Variants in JMJD1C observed in about 807,000 individuals in gnomAD.
JMJD1C encodes jumonji domain-containing protein 1C.
A neutral mutation model predicts 245.3 loss-of-function variants in JMJD1C; 31 were observed. The observed-to-expected ratio is 0.13, with a 90% CI of 0.09 to 0.17. The LOEUF (loss-of-function observed/expected upper bound fraction) is 0.17, where lower values mean the gene tolerates loss of function less well. JMJD1C is among the 10% of genes least tolerant of loss of function. The pLI is 1.00. For synonymous variants in JMJD1C, 1,057 were observed against 1,017.4 expected (o/e 1.04, Z -0.74); for missense variants, 2,691 against 3,000.2 (o/e 0.90, Z 2.41).
chr10:63,343,053 A>C (rs1943510671), intron 2 of JMJD1C, among the ~76,000 whole-genome samples: 1 of 152,058 alleles, frequency 6.6e-6, no homozygotes, highest in Non-Finnish European at 1.5e-5. Context: ...AGGATACTCA[A>C]CCTGCATTAA....
intron 1 of JMJD1C, among the ~76,000 whole-genome samples, chr10:63,407,396 G>C (rs1949232212): frequency 6.6e-6 from 1 of 152,034 alleles, no homozygotes; most frequent in Non-Finnish European, 1.5e-5. Context: ...TTTCCTCATA[G>C]GGCATAACTC....
chr10:63,406,939 A>T (rs547252122), intron 1 of JMJD1C, among the ~76,000 whole-genome samples: 1 of 152,360 alleles, frequency 6.6e-6, no homozygotes, highest in East Asian at 1.9e-4. Context: ...ACAGATTGAA[A>T]AGATGGGTAA....
chr10:63,419,688 A>G (rs1354630310), intron 1 of JMJD1C, among the ~76,000 whole-genome samples: 1 of 152,098 alleles, frequency 6.6e-6, no homozygotes, highest in Non-Finnish European at 1.5e-5. Context: ...ACCCAGAATT[A>G]AGTCAGTTCC....
intron 2 of JMJD1C, among the ~76,000 whole-genome samples, chr10:63,309,224 G>T (rs768722871): frequency 6.6e-6 from 1 of 152,028 alleles, no homozygotes; most frequent in South Asian, 2.1e-4. Flanking sequence ...TGGGCACGGG[G>T]GCTCATGCCT....
intron 2 of JMJD1C, among the ~76,000 whole-genome samples, chr10:63,309,916 C>CA (rs543353248): frequency 2.1e-4 from 31 of 146,002 alleles, no homozygotes; most frequent in African/African-American, 4.3e-4. Context: ...GATTTCGTCT[C>CA]AAAAAAAAAA....
intron 1 of JMJD1C, among the ~76,000 whole-genome samples, chr10:63,448,532 C>G (rs1183152790): frequency 2.0e-5 from 3 of 152,174 alleles, no homozygotes; most frequent in Non-Finnish European, 2.9e-5. Context: ...GAAGTGGATA[C>G]ATTCTGATCT....
At chr10:63,454,560 A>T (rs1422571373) in intron 1 of JMJD1C, among the ~76,000 whole-genome samples, 1 of 152,042 alleles carries the variant, frequency 6.6e-6, no homozygotes, top group African/African-American at 2.4e-5. Flanking sequence ...CCCCCCTAGT[A>T]GCTGGGATTA....
In JMJD1C at chr10:63,306,020, G is replaced by A. The variant is rs1328932490; in HGVS notation, c.334-41256C>T. Among the ~76,000 whole-genome samples the A allele has an allele frequency of 2.6e-5, 4 of 152,002 alleles. No individual in the cohort carries two copies. The South Asian group carries it at 6.2e-4, about 24-fold the overall frequency. ...TTAAAGGTGTGAGCTACTGTGCCCG[G>A]TAGAGACCCCATCTCTTAAAAAAAG... On this transcript the variant is annotated intron_variant, in intron 2 of 25. Coordinates refer to ENST00000399262, the MANE Select transcript of JMJD1C (RefSeq NM_032776.3).
chr10:63,483,689 T>C (rs945161865), intron 1 of JMJD1C, among the ~76,000 whole-genome samples: 1 of 152,208 alleles, frequency 6.6e-6, no homozygotes, highest in South Asian at 2.1e-4. Context: ...CATTTTAGTA[T>C]CTTGATTATA....
At chr10:63,459,311 A>G (rs1000240174) in intron 1 of JMJD1C, among the ~76,000 whole-genome samples, 1 of 152,194 alleles carries the variant, frequency 6.6e-6, no homozygotes, top group Non-Finnish European at 1.5e-5. Context: ...CAGATAAAGA[A>G]TAGTGGACCT....
intron 1 of JMJD1C, among the ~76,000 whole-genome samples, chr10:63,503,066 G>A (rs1202681841): frequency 6.6e-6 from 1 of 152,166 alleles, no homozygotes; most frequent in East Asian, 1.9e-4. Context: ...AATGATCCAT[G>A]TAAAAAAGCT....
At chr10:63,230,718 T>C (rs932613394) in intron 3 of JMJD1C, among the ~76,000 whole-genome samples, 1 of 151,276 alleles carries the variant, frequency 6.6e-6, no homozygotes, top group Non-Finnish European at 1.5e-5. Flanking sequence ...GAAATTGCAG[T>C]GAGACAAGAT....
intron 1 of JMJD1C, among the ~76,000 whole-genome samples, chr10:63,499,377 C>G (rs1954468827): frequency 6.6e-6 from 1 of 152,238 alleles, no homozygotes; most frequent in South Asian, 2.1e-4. Flanking sequence ...CAGTCTCACA[C>G]TTGTTATATT....
At chr10:63,304,805 TAC>T (rs1033778034) in intron 2 of JMJD1C, among the ~76,000 whole-genome samples, 2 of 152,182 alleles carry the variant, frequency 1.3e-5, no homozygotes, top group African/African-American at 2.4e-5. Flanking sequence ...TGTGTGTATT[TAC>T]ACACACAGCA....
chr10:63,425,081 ACTG>A (rs1302114710), intron 1 of JMJD1C, among the ~76,000 whole-genome samples: 3 of 152,174 alleles, frequency 2.0e-5, no homozygotes, highest in Admixed American at 6.5e-5. Flanking sequence ...TAACTACTTA[ACTG>A]CTATTTCTAA....
At chr10:63,305,134 C>T (rs569572938) in intron 2 of JMJD1C, among the ~76,000 whole-genome samples, 40 of 151,962 alleles carry the variant, frequency 2.6e-4, no homozygotes, top group African/African-American at 9.4e-4. Flanking sequence ...TTTGGGAGGC[C>T]GAGGCGGGCG....
chr10:63,180,136 T>C (rs912497450), intron 22 of JMJD1C, among the ~76,000 whole-genome samples: 1 of 152,192 alleles, frequency 6.6e-6, no homozygotes, highest in African/African-American at 2.4e-5. Context: ...GCTTCCCAAG[T>C]AGCTGGGACT....
chr10:63,509,753 C>T (rs1276028517), intron 1 of JMJD1C, among the ~76,000 whole-genome samples: 2 of 152,116 alleles, frequency 1.3e-5, no homozygotes, highest in East Asian at 3.8e-4. Flanking sequence ...TGTAAAGATG[C>T]TGCTCTTTCA....
intron 3 of JMJD1C, among the ~76,000 whole-genome samples, chr10:63,251,748 A>G (rs1853116130): frequency 6.6e-6 from 1 of 152,184 alleles, no homozygotes; most frequent in South Asian, 2.1e-4. Context: ...CAACTTGGCA[A>G]GATTATTTTA....
Sources: gnomAD v4.1 joint callset for allele counts (sites outside exome capture counted in the v4.1 genomes callset) on GRCh38, gnomAD v4.1.1 for gene constraint, MANE v1.5 for transcripts, NCBI Gene and HGNC (gene_info 2026-07-23, HGNC 2026-07-21) for gene names.